TRPM8: variants seen among roughly 807,000 people sequenced by gnomAD.
TRPM8 encodes TRPM8 cationic channel.
In TRPM8, 110 loss-of-function variants were observed where a neutral mutation model predicts 133.7. The ratio of observed to expected loss-of-function variants is 0.82; its 90% CI spans 0.70 to 0.96. The LOEUF (loss-of-function observed/expected upper bound fraction) is 0.96. TRPM8 is among the 40% of genes least tolerant of loss of function. The pLI, the probability that TRPM8 is intolerant of heterozygous loss-of-function variation, is 0.00. For missense variants in TRPM8, 1,291 were observed against 1,379.5 expected (o/e 0.94, Z 1.02); for synonymous variants, 535 against 532.3 (o/e 1.01, Z -0.07).
chr2:233,993,012 T>G (rs1442774568), intron 21 of TRPM8, among the ~76,000 whole-genome samples: 1 of 152,186 alleles, frequency 6.6e-6, no homozygotes, highest in Admixed American at 6.5e-5. Flanking sequence ...TCATGTCTAT[T>G]TGGCTGAGTC....
intron 24 of TRPM8, among the ~76,000 whole-genome samples, chr2:234,009,249 C>T (rs1453624904): frequency 2.0e-5 from 3 of 152,218 alleles, no homozygotes; most frequent in Admixed American, 2.0e-4. Flanking sequence ...GCGCTGGGAA[C>T]TCTTCTACGT....
intron 21 of TRPM8, among the ~76,000 whole-genome samples, chr2:233,987,808 A>G (rs771221002): frequency 6.6e-5 from 10 of 152,130 alleles, no homozygotes; most frequent in African/African-American, 1.4e-4. Context: ...GGTAGTGAAT[A>G]TGTCTCACGA....
intron 17 of TRPM8, among the ~76,000 whole-genome samples, chr2:233,970,908 T>C (rs928241502): frequency 1.6e-4 from 24 of 152,192 alleles, no homozygotes; most frequent in Non-Finnish European, 2.2e-4. Context: ...ATGGTGCTTT[T>C]CTGCAGTTTC....
At chr2:233,953,263 C>T (rs922880139) in intron 9 of TRPM8, among the ~76,000 whole-genome samples, 7 of 152,194 alleles carry the variant, frequency 4.6e-5, no homozygotes, top group African/African-American at 1.7e-4. Context: ...TCCTTATTTC[C>T]AAACGTTGCC....
At chr2:233,952,438 GGATGGAGA>G (rs1691191405) in intron 9 of TRPM8, among the ~76,000 whole-genome samples, 1 of 151,994 alleles carries the variant, frequency 6.6e-6, no homozygotes. Flanking sequence ...AAGATCTGAA[GGATGGAGA>G]GAGTTAACGA....
intron 22 of TRPM8, among the ~76,000 whole-genome samples, chr2:233,997,118 T>C (rs569427883): frequency 2.0e-5 from 3 of 151,966 alleles, no homozygotes; most frequent in African/African-American, 7.2e-5. Context: ...ACAAAAAAAT[T>C]AGCCGGGTGT....
chr2:233,944,491 C>T (rs935636478), intron 6 of TRPM8, among the ~76,000 whole-genome samples: 12 of 152,164 alleles, frequency 7.9e-5, no homozygotes, highest in Admixed American at 1.3e-4. Flanking sequence ...TTACAGAGCC[C>T]ATTTCCTGGC....
chr2:233,978,996 T>C (rs1056389554), intron 17 of TRPM8, among the ~76,000 whole-genome samples: 2 of 152,190 alleles, frequency 1.3e-5, no homozygotes, highest in African/African-American at 4.8e-5. Context: ...AGCAGAGTGA[T>C]GTGGGGAGAA....
chr2:233,926,310 G>C (rs968342034), intron 1 of TRPM8, among the ~76,000 whole-genome samples: 3 of 152,176 alleles, frequency 2.0e-5, no homozygotes, highest in Non-Finnish European at 4.4e-5. Flanking sequence ...GGGGTGAGGG[G>C]CCAGGGAGGA....
At chr2:234,014,235 G>A (rs1208648242) in intron 24 of TRPM8, among the ~76,000 whole-genome samples, 1 of 151,996 alleles carries the variant, frequency 6.6e-6, no homozygotes, top group South Asian at 2.1e-4. Context: ...TAGTTACATA[G>A]AACATTATTC....
At chr2:233,984,977 G>A (rs1018372290) in intron 20 of TRPM8, among the ~76,000 whole-genome samples, 8 of 152,088 alleles carry the variant, frequency 5.3e-5, no homozygotes, top group East Asian at 1.9e-4. Flanking sequence ...CCAGCTACTC[G>A]GGAGGCTGAG....
In TRPM8 at chr2:234,018,430, A is replaced by G. The variant is rs1042276653; in HGVS notation, c.*1174A>G. 1 of 151,428 alleles carries G rather than the reference A, an allele frequency of 6.6e-6. No individual in the cohort carries two copies. The highest frequency in any genetic ancestry group is 1.5e-5 in the Non-Finnish European group (1 of 67,862). The allele number at this position is 151,428 out of a possible 1,614,324, so 9.4% of individuals were successfully genotyped here. A position where few individuals can be genotyped will look rare whatever the true frequency, so the allele number is the denominator to read the frequency against. The stretch of plus-strand genomic sequence containing the variant: ...CCAATAAATATCTATTTATTATTAA[A>G]TATTAAAATATCTATTTATTATTAA... On this transcript the variant is annotated 3_prime_UTR_variant, in exon 26 of 26. Coordinates refer to ENST00000324695, the MANE Select transcript of TRPM8 (RefSeq NM_024080.5).
At chr2:233,962,171 G>A (rs188707384) in intron 12 of TRPM8, among the ~76,000 whole-genome samples, 3 of 152,306 alleles carry the variant, frequency 2.0e-5, no homozygotes, top group Admixed American at 2.0e-4. Flanking sequence ...AGACAATTTT[G>A]TGGCTGTAAC....
At chr2:233,935,968 C>T (rs1653582849) in intron 3 of TRPM8, among the ~76,000 whole-genome samples, 1 of 152,038 alleles carries the variant, frequency 6.6e-6, no homozygotes, top group South Asian at 2.1e-4. Context: ...ATTTTTGCTT[C>T]TTTTCTGTTG....
intron 11 of TRPM8, among the ~76,000 whole-genome samples, chr2:233,957,559 G>T (rs957176368): frequency 1.3e-5 from 2 of 151,908 alleles, no homozygotes; most frequent in African/African-American, 4.8e-5. Flanking sequence ...TTCAAACTTA[G>T]AATTACATAG....
At chr2:233,944,029 T>G (rs1407630482) in intron 6 of TRPM8, among the ~76,000 whole-genome samples, 1 of 152,132 alleles carries the variant, frequency 6.6e-6, no homozygotes, top group Non-Finnish European at 1.5e-5. Flanking sequence ...AGGAGGCGTT[T>G]TGAAGACAGA....
At chr2:233,926,272 G>C (rs563002097) in intron 1 of TRPM8, among the ~76,000 whole-genome samples, 3 of 152,202 alleles carry the variant, frequency 2.0e-5, no homozygotes, top group African/African-American at 7.2e-5. Context: ...CTGCAAAGAG[G>C]GGGTGCCCAG....
intron 11 of TRPM8, 46 bp from the exon 12 acceptor site, chr2:233,960,730 A>G: frequency 2.0e-6 from 3 of 1,535,978 alleles, no homozygotes; most frequent in Non-Finnish European, 2.7e-6. Context: ...TTTCCTTACC[A>G]TATTTTTATA....
intron 4 of TRPM8, 119 bp downstream of exon 4, chr2:233,937,628 A>G: frequency 2.6e-6 from 3 of 1,160,826 alleles, no homozygotes; most frequent in Non-Finnish European, 3.6e-6. Context: ...GTAAACACCA[A>G]AAACGATTGC....
Sources: gnomAD v4.1 joint callset for allele counts (sites outside exome capture counted in the v4.1 genomes callset) on GRCh38, gnomAD v4.1.1 for gene constraint, MANE v1.5 for transcripts, NCBI Gene and HGNC (gene_info 2026-07-23, HGNC 2026-07-21) for gene names.